The following TMEM131L variants were observed in gnomAD, a reference collection of about 807,000 sequenced individuals.
TMEM131L encodes transmembrane 131 like, also known as transmembrane protein 131-like.
A neutral mutation model predicts 192.2 loss-of-function variants in TMEM131L; 54 were observed. The observed-to-expected ratio is 0.28, with a 90% CI of 0.23 to 0.35. The LOEUF (loss-of-function observed/expected upper bound fraction) is 0.35, where lower values mean the gene tolerates loss of function less well. Among genes scored for constraint, TMEM131L ranks in the 10% least tolerant of loss-of-function variants. The pLI is 1.00. For synonymous variants in TMEM131L, 701 were observed against 704.9 expected, an observed-to-expected ratio of 0.99 and a Z score of 0.09; for missense variants, 1,888 against 1,972.9, an observed-to-expected ratio of 0.96 and a Z score of 0.82.
At chr4:153,491,477 G>GT (rs1321124256) in intron 3 of TMEM131L, among the ~76,000 whole-genome samples, 7 of 151,702 alleles carry the variant, frequency 4.6e-5, no homozygotes, top group Non-Finnish European at 2.9e-5. Flanking sequence ...GTCCTTATCA[G>GT]TTTTTTTTGT....
In TMEM131L at chr4:153,586,275, G is replaced by A. The variant is rs915792208; in HGVS notation, c.1378G>A (p.Ala460Thr). Residue 460 changes from alanine (A) to threonine (T), a missense_variant, in exon 14 of 35, where the codon GCT becomes ACT. Ala to Thr is a moderately conservative substitution (Grantham distance 58). Transcript: ENST00000409959. Reference sequence around the variant, plus strand: ...TTGGAATATATTTTCTTTGAAACTTGCTGTTAAAGACATTGCCATAAATCT... The same window carrying A: ...TTGGAATATATTTTCTTTGAAACTTACTGTTAAAGACATTGCCATAAATCT... ...GCWNIFSLKLAVKDIAINLFT... is the reference protein window; with the variant it reads ...GCWNIFSLKLTVKDIAINLFT... The A allele has an allele frequency of 1.2e-6, 2 of 1,601,066 alleles. No homozygotes were observed. Among genetic ancestry groups the A allele is most frequent in the Non-Finnish European group, 8.5e-7 (1 of 1,175,416 alleles).
intron 3 of TMEM131L, among the ~76,000 whole-genome samples, chr4:153,512,400 G>A (rs959097023): frequency 1.3e-5 from 2 of 152,310 alleles, no homozygotes; most frequent in African/African-American, 2.4e-5. Flanking sequence ...GAGGAGGACA[G>A]TAAGCATTTA....
chr4:153,475,503 G>C (rs1323085478), intron 3 of TMEM131L, among the ~76,000 whole-genome samples: 1 of 152,126 alleles, frequency 6.6e-6, no homozygotes, highest in East Asian at 1.9e-4. Flanking sequence ...ACCAGTTGGG[G>C]GGAAAATAGC....
At chr4:153,560,884 T>A (rs139530556) in intron 7 of TMEM131L, among the ~76,000 whole-genome samples, 217 of 152,326 alleles carry the variant, frequency 1.4e-3, no homozygotes, top group African/African-American at 4.9e-3. Flanking sequence ...ATATCTTTTC[T>A]CTTAGGTGTA....
Position 153,591,032 on chromosome 4 carries a change from G to A in TMEM131L, c.1671-21G>A, listed in dbSNP as rs1578815109. 3.4e-6 allele frequency: 5 copies of A among 1,453,692 alleles called. No homozygotes were observed. In the East Asian group the frequency reaches 1.2e-4, roughly 36 times the overall value. The allele number at this position is 1,453,692 out of a possible 1,614,324, so 90.0% of individuals were successfully genotyped here. ...AAATATCAAAATATTTTTCATAATA[G>A]TTTCTTTATCAATTAAACAGGAGGA... On this transcript the variant is annotated intron_variant, in intron 16 of 34. Transcript: ENST00000409959.
chr4:153,599,009 C>T (rs1232564665), intron 21 of TMEM131L, among the ~76,000 whole-genome samples: 1 of 151,984 alleles, frequency 6.6e-6, no homozygotes, highest in African/African-American at 2.4e-5. Context: ...AGTCTGTTCT[C>T]ATATTGCTGT....
At chr4:153,576,507 G>C (rs563369392) in intron 7 of TMEM131L, among the ~76,000 whole-genome samples, 29 of 152,126 alleles carry the variant, frequency 1.9e-4, no homozygotes, top group African/African-American at 7.0e-4. Context: ...AAAATATTAG[G>C]CTTTAAATCA....
chr4:153,584,970 G>T, intron 12 of TMEM131L, 39 bp downstream of exon 12: 10 of 1,431,444 alleles, frequency 7.0e-6, no homozygotes, highest in Non-Finnish European at 9.9e-6. Context: ...TTGTATGGTT[G>T]TTGTTGTTGT....
At chr4:153,496,016 A>G (rs1182362745) in intron 3 of TMEM131L, among the ~76,000 whole-genome samples, 1 of 152,152 alleles carries the variant, frequency 6.6e-6, no homozygotes, top group Non-Finnish European at 1.5e-5. Flanking sequence ...AAGTCTGAAG[A>G]TGGATTCCTA....
At position 153,481,846 on chromosome 4, in the gene TMEM131L, GTAT is replaced by G. The variant is rs1192275063; in HGVS notation, c.239+7972_239+7974del. ...AGCCACTGCGCCTGGCCCAGAGACTGTATTATTATTATTATTTTTGAGACGGAG... is the reference window on the plus strand; with the variant it reads ...AGCCACTGCGCCTGGCCCAGAGACTGTATTATTATTATTTTTGAGACGGAG... On this transcript the variant is annotated intron_variant, in intron 3 of 34. Transcript: ENST00000409959. Among the ~76,000 whole-genome samples the G allele has an allele frequency of 9.9e-5, 15 of 151,832 alleles. 1 individual carries two copies. The Middle Eastern group carries it at 0.017, about 172-fold the overall frequency.
chr4:153,482,791 G>A (rs1366032979), intron 3 of TMEM131L, among the ~76,000 whole-genome samples: 1 of 151,932 alleles, frequency 6.6e-6, no homozygotes, highest in Non-Finnish European at 1.5e-5. Context: ...TAGAGATGAG[G>A]TCTTCCTATG....
rs1396290560 is a variant in TMEM131L, at chr4:153,581,440, C to G, written c.772C>G (p.Leu258Val). Residue 258 changes from leucine (L) to valine (V), a missense_variant, in exon 9 of 35, where the codon CTA becomes GTA. Coordinates refer to ENST00000409959, the MANE Select transcript of TMEM131L (RefSeq NM_001131007.2). ...TCTGGAATCTGATGATGTTTTGCGTCTACAAATGAGCATAATGGTAACAAT... is the reference window on the plus strand; with the variant it reads ...TCTGGAATCTGATGATGTTTTGCGTGTACAAATGAGCATAATGGTAACAAT... ...CYLESDDVLR[L>V]QMSIMVTMEN... 1 of 1,583,750 alleles carries G rather than the reference C, an allele frequency of 6.3e-7. No homozygotes were observed. The highest frequency in any genetic ancestry group is 8.6e-7 in the Non-Finnish European group (1 of 1,163,374).
At chr4:153,490,690 T>C (rs983493917) in intron 3 of TMEM131L, among the ~76,000 whole-genome samples, 1 of 151,936 alleles carries the variant, frequency 6.6e-6, no homozygotes, top group Non-Finnish European at 1.5e-5. Context: ...GCGTGGGGGC[T>C]CATGCCTGTA....
intron 3 of TMEM131L, among the ~76,000 whole-genome samples, chr4:153,539,672 G>A (rs192886470): frequency 1.6e-4 from 24 of 152,090 alleles, no homozygotes; most frequent in Non-Finnish European, 2.6e-4. Context: ...CCTTGCTCCT[G>A]CCGGCTCCTT....
At chr4:153,632,920 C>T in intron 32 of TMEM131L, 82 bp downstream of exon 32, 1 of 1,531,176 alleles carries the variant, frequency 6.5e-7, no homozygotes, top group Non-Finnish European at 8.9e-7. Flanking sequence ...CTTAGGGTTT[C>T]CTTACAAAAA....
At chr4:153,558,020 C>T (rs894610856) in intron 6 of TMEM131L, among the ~76,000 whole-genome samples, 1 of 152,232 alleles carries the variant, frequency 6.6e-6, no homozygotes, top group Non-Finnish European at 1.5e-5. Context: ...ATCCACCTCC[C>T]TGGGCCTCCC....
At chr4:153,596,441 A>C in intron 20 of TMEM131L, 56 bp downstream of exon 20, 1 of 1,595,154 alleles carries the variant, frequency 6.3e-7, no homozygotes, top group Non-Finnish European at 8.6e-7. Context: ...ATCTGTGTAA[A>C]TCTCTTTAGC....
chr4:153,572,777 A>G (rs535736418), intron 7 of TMEM131L, among the ~76,000 whole-genome samples: 1 of 152,310 alleles, frequency 6.6e-6, no homozygotes, highest in South Asian at 2.1e-4. Flanking sequence ...GTACATTCAC[A>G]GTGTTGTACA....
chr4:153,608,977 G>A (rs958549320), intron 25 of TMEM131L, among the ~76,000 whole-genome samples: 6 of 151,976 alleles, frequency 3.9e-5, no homozygotes, highest in South Asian at 2.1e-4. Context: ...ACCTCCCAAC[G>A]TCTTCTCCTG....
Sources: allele counts gnomAD v4.1 joint callset (sites outside exome capture counted in the v4.1 genomes callset), GRCh38; gene constraint gnomAD v4.1.1; transcripts MANE v1.5; gene names NCBI Gene and HGNC (gene_info 2026-07-23, HGNC 2026-07-21).